SPEF2: variants seen among roughly 807,000 people sequenced by gnomAD.
SPEF2 encodes the protein sperm flagellar and cilia associated 2.
In SPEF2, 187 loss-of-function variants were observed where a neutral mutation model predicts 224.6. The observed-to-expected ratio is 0.83, with a 90% CI of 0.74 to 0.94. SPEF2 has a LOEUF of 0.94. SPEF2 is among the 40% of genes least tolerant of loss of function. The pLI, the probability that SPEF2 is intolerant of heterozygous loss-of-function variation, is 0.00. For synonymous variants in SPEF2, 715 were observed against 707.3 expected, an observed-to-expected ratio of 1.01 and a Z score of -0.17; for missense variants, 2,170 against 2,135.6, an observed-to-expected ratio of 1.02 and a Z score of -0.32.
chr5:35,798,468 G>A (rs576768671), intron 33 of SPEF2, among the ~76,000 whole-genome samples: 5 of 152,088 alleles, frequency 3.3e-5, no homozygotes, highest in Admixed American at 1.3e-4. Flanking sequence ...CTAACTCCCT[G>A]CCCTCCTCCA....
chr5:35,751,042 T>C lies in SPEF2; in HGVS notation c.3331-2582T>C, dbSNP rs1274967744. Among the ~76,000 whole-genome samples, 76 of 31,354 alleles carry C rather than the reference T, an allele frequency of 2.4e-3. 1 individual carries two copies. Among genetic ancestry groups the C allele is most frequent in the African/African-American group, 5.9e-3 (68 of 11,566 alleles). 20.6% of individuals were successfully genotyped at this position (31,354 alleles called of 152,430 possible). A position where few individuals can be genotyped will look rare whatever the true frequency, so the allele number is the denominator to read the frequency against. ...ATATATACGTATATATATACACATA[T>C]GTATATATATATACGTATATATATG... On this transcript the variant is annotated intron_variant, in intron 23 of 36. Coordinates refer to ENST00000356031, the MANE Select transcript of SPEF2 (RefSeq NM_024867.4).
At chr5:35,757,125 T>C (rs1490599324) in intron 24 of SPEF2, among the ~76,000 whole-genome samples, 1 of 143,874 alleles carries the variant, frequency 7.0e-6, no homozygotes, top group Non-Finnish European at 1.6e-5. Context: ...AAATATCGTT[T>C]ACTAGTTATA....
chr5:35,761,737 G>A (rs1188475929), intron 25 of SPEF2, among the ~76,000 whole-genome samples: 4 of 152,108 alleles, frequency 2.6e-5, no homozygotes, highest in African/African-American at 9.7e-5. Flanking sequence ...ATCAAAAGAG[G>A]CCAAATTTCA....
intron 24 of SPEF2, among the ~76,000 whole-genome samples, chr5:35,758,732 G>A (rs968859732): frequency 5.9e-5 from 9 of 152,128 alleles, no homozygotes; most frequent in South Asian, 2.1e-4. Context: ...GTTGCTGGGC[G>A]CAGTGGCTCA....
chr5:35,740,012 C>G lies in SPEF2; in HGVS notation c.3157C>G (p.Gln1053Glu), dbSNP rs749823805. 3.1e-6 allele frequency: 5 copies of G among 1,613,948 alleles called. No individual in the cohort carries two copies. The highest frequency in any genetic ancestry group is 2.5e-6 in the Non-Finnish European group (3 of 1,180,000). ...KTVLRHLRED[Q>E]HTVLAYLYEI... ...AGTACTCAGGCATCTGAGGGAAGAC[C>G]AGCATACTGTGCTTGCTTACTTATA... Residue 1053 changes from glutamine (Q) to glutamate (E), a missense_variant, in exon 22 of 37, where the codon CAG becomes GAG. Physicochemically the swap from Gln to Glu is conservative, Grantham distance 29. Coordinates refer to ENST00000356031, the MANE Select transcript of SPEF2 (RefSeq NM_024867.4).
chr5:35,697,645 C>T (rs1755521150), intron 14 of SPEF2, 45 bp from the exon 15 acceptor site: 2 of 1,501,528 alleles, frequency 1.3e-6, no homozygotes, highest in Non-Finnish European at 1.8e-6. Context: ...TGGAATTTGA[C>T]TTTTAAATTA....
At chr5:35,710,703 T>C in intron 19 of SPEF2, 1 of 985,172 alleles carries the variant, frequency 1.0e-6, no homozygotes, top group Non-Finnish European at 1.2e-6. Flanking sequence ...AGAGTATCTA[T>C]GTATTTGAGC....
intron 1 of SPEF2, among the ~76,000 whole-genome samples, chr5:35,621,396 G>A (rs1743492218): frequency 6.7e-6 from 1 of 148,952 alleles, no homozygotes; most frequent in South Asian, 2.1e-4. Context: ...GGAGGAGAGG[G>A]CTTAGTAATT....
intron 20 of SPEF2, among the ~76,000 whole-genome samples, chr5:35,723,389 T>C (rs1744115449): frequency 1.3e-5 from 2 of 152,050 alleles, no homozygotes; most frequent in Non-Finnish European, 2.9e-5. Flanking sequence ...ACCTACTAAA[T>C]CTGAAATTCC....
At chr5:35,686,669 C>A (rs1290086516) in intron 10 of SPEF2, among the ~76,000 whole-genome samples, 1 of 151,982 alleles carries the variant, frequency 6.6e-6, no homozygotes, top group Non-Finnish European at 1.5e-5. Context: ...TGGTTTTAGG[C>A]AAAATATGGT....
Position 35,705,706 on chromosome 5 carries a change from G to A in SPEF2, c.2563G>A (p.Glu855Lys). 1 of 1,592,088 alleles carries A rather than the reference G, an allele frequency of 6.3e-7. No homozygotes were observed. Among genetic ancestry groups the A allele is most frequent in the Non-Finnish European group, 8.5e-7 (1 of 1,173,272 alleles). ...ATTGGAGCAATGGTTTTCAGAGCCA[G>A]AAAATATTTTGATAAAAATCAATGC... ...PLLEQWFSEP[E>K]NILIKINAEI... Residue 855 changes from glutamate to lysine, a missense_variant, in exon 18 of 37, where the codon GAA becomes AAA. Transcript: ENST00000356031.
chr5:35,652,962 C>G (rs1309409159), intron 6 of SPEF2, among the ~76,000 whole-genome samples: 1 of 151,986 alleles, frequency 6.6e-6, no homozygotes, highest in Non-Finnish European at 1.5e-5. Flanking sequence ...AATGATTATA[C>G]ATAATATAAA....
intron 30 of SPEF2, among the ~76,000 whole-genome samples, chr5:35,787,712 A>G (rs1385871719): frequency 6.6e-6 from 1 of 152,208 alleles, no homozygotes; most frequent in Admixed American, 6.5e-5. Flanking sequence ...TGTGATATAA[A>G]CTAGTTAAAG....
chr5:35,619,251 A>AT (rs1338169244), intron 1 of SPEF2, among the ~76,000 whole-genome samples: 3 of 152,226 alleles, frequency 2.0e-5, no homozygotes, highest in Non-Finnish European at 4.4e-5. Flanking sequence ...TGAGGACAAT[A>AT]TTTAGCATTT....
intron 2 of SPEF2, among the ~76,000 whole-genome samples, chr5:35,636,726 A>T (rs895193128): frequency 1.3e-5 from 2 of 152,012 alleles, no homozygotes; most frequent in Non-Finnish European, 2.9e-5. Context: ...TGTAATCCCA[A>T]CACTTTGGGA....
In SPEF2 at chr5:35,807,486, T is replaced by C. The variant is rs73090222; in HGVS notation, c.5379+233T>C. 5.0e-3 allele frequency among the ~76,000 whole-genome samples: 764 copies of C among 152,234 alleles called. 9 individuals carry two copies. The highest frequency in any genetic ancestry group is 0.017 in the African/African-American group (718 of 41,544). On this transcript the variant is annotated intron_variant, in intron 36 of 36. Coordinates refer to ENST00000356031, the MANE Select transcript of SPEF2 (RefSeq NM_024867.4). ...TAGGTGGTAGTTAAAGCTGGGTGGG[T>C]GACAGTGTTAGGATTGTCATTGTAG... is the stretch of plus-strand genomic sequence containing the variant.
At chr5:35,670,345 AT>A in intron 10 of SPEF2, 118 bp downstream of exon 10, 1 of 1,431,312 alleles carries the variant, frequency 7.0e-7, no homozygotes, top group Non-Finnish European at 9.1e-7. Context: ...TTTTGTTTGC[AT>A]TTTCCCTTGT....
chr5:35,675,414 A>G (rs190586960), intron 10 of SPEF2, among the ~76,000 whole-genome samples: 2 of 151,896 alleles, frequency 1.3e-5, no homozygotes, highest in African/African-American at 4.8e-5. Flanking sequence ...CATACGTGCA[A>G]TTTCTTTTCT....
chr5:35,778,034 A>C (rs1282226976), intron 29 of SPEF2, among the ~76,000 whole-genome samples: 1 of 152,192 alleles, frequency 6.6e-6, no homozygotes, highest in Non-Finnish European at 1.5e-5. Flanking sequence ...ATGGACACTT[A>C]CAAAGACAAC....
Sources: allele counts gnomAD v4.1 joint callset (sites outside exome capture counted in the v4.1 genomes callset), GRCh38; gene constraint gnomAD v4.1.1; transcripts MANE v1.5; gene names NCBI Gene and HGNC (gene_info 2026-07-23, HGNC 2026-07-21).